Variants in NALCN observed in about 807,000 individuals in gnomAD.
NALCN encodes the protein sodium leak channel, non-selective, also known as sodium leak channel NALCN.
In NALCN, 111 loss-of-function variants were observed where a neutral mutation model predicts 225.3. The observed-to-expected ratio is 0.49, with a 90% CI of 0.42 to 0.58. The LOEUF is 0.58. NALCN is among the 20% of genes least tolerant of loss of function. The probability of loss-of-function intolerance (pLI) is 0.00; values close to 1 mark genes in which losing one functional copy is unlikely to be tolerated. For missense variants in NALCN, 1,378 were observed against 2,202.4 expected, an observed-to-expected ratio of 0.63 and a Z score of 7.49; for synonymous variants, 764 against 769.0, an observed-to-expected ratio of 0.99 and a Z score of 0.11.
At chr13:101,208,315 C>T (rs2040398578) in intron 13 of NALCN, among the ~76,000 whole-genome samples, 1 of 152,166 alleles carries the variant, frequency 6.6e-6, no homozygotes, top group Admixed American at 6.5e-5. Context: ...ACCAGGAACC[C>T]ACCAGAAGGC....
intron 3 of NALCN, among the ~76,000 whole-genome samples, chr13:101,393,659 T>C (rs1227378538): frequency 6.6e-6 from 1 of 151,968 alleles, no homozygotes; most frequent in Non-Finnish European, 1.5e-5. Context: ...AATACAAAAT[T>C]AGCCCGGGGT....
intron 10 of NALCN, among the ~76,000 whole-genome samples, chr13:101,283,668 T>C (rs910918040): frequency 1.3e-5 from 2 of 152,050 alleles, no homozygotes; most frequent in Non-Finnish European, 2.9e-5. Flanking sequence ...AGATTTCACA[T>C]GTCAACAAAA....
intron 1 of NALCN, among the ~76,000 whole-genome samples, chr13:101,416,011 G>T (rs1473548757): frequency 1.3e-5 from 2 of 152,016 alleles, no homozygotes; most frequent in Non-Finnish European, 2.9e-5. Flanking sequence ...GGCATCCCGC[G>T]GCAGGCGCCC....
At chr13:101,062,165 A>T in intron 40 of NALCN, 47 bp from the exon 41 acceptor site, 1 of 1,603,164 alleles carries the variant, frequency 6.2e-7, no homozygotes, top group Non-Finnish European at 8.5e-7. Flanking sequence ...TTCACCTGAG[A>T]TTTACACCCT....
intron 28 of NALCN, among the ~76,000 whole-genome samples, chr13:101,091,687 T>C (rs1342072866): frequency 6.6e-6 from 1 of 152,230 alleles, no homozygotes; most frequent in Admixed American, 6.5e-5. Flanking sequence ...ATAAGGATTC[T>C]ACAGATGCCA....
chr13:101,372,896 T>A (rs1479649322), intron 6 of NALCN, among the ~76,000 whole-genome samples: 1 of 151,780 alleles, frequency 6.6e-6, no homozygotes, highest in Non-Finnish European at 1.5e-5. Context: ...CAAAGATTCT[T>A]GTGTGTGTGT....
chr13:101,071,653 C>T (rs747654956), intron 37 of NALCN, among the ~76,000 whole-genome samples: 2 of 152,248 alleles, frequency 1.3e-5, no homozygotes, highest in African/African-American at 2.4e-5. Context: ...CTACTGAGAC[C>T]GGTAAAATTT....
chr13:101,102,225 G>A (rs973319043), intron 26 of NALCN, among the ~76,000 whole-genome samples: 2 of 151,998 alleles, frequency 1.3e-5, no homozygotes, highest in African/African-American at 4.8e-5. Flanking sequence ...GGAAGTTGCA[G>A]TGAGCTGAGA....
intron 7 of NALCN, among the ~76,000 whole-genome samples, chr13:101,317,202 T>C (rs2044583502): frequency 6.6e-6 from 1 of 152,198 alleles, no homozygotes; most frequent in South Asian, 2.1e-4. Flanking sequence ...CCACTTATTT[T>C]ACTGTACAAA....
intron 14 of NALCN, among the ~76,000 whole-genome samples, chr13:101,179,192 G>A (rs1001573992): frequency 1.3e-5 from 2 of 152,192 alleles, no homozygotes; most frequent in African/African-American, 2.4e-5. Context: ...GAGTCAGAGA[G>A]CTCAGGTAGC....
In NALCN at chr13:101,089,584, G is replaced by A. The variant is rs1324759528; in HGVS notation, c.3489+79C>T. ...ACAGTTTAAAGCGGCTTCACGCCGC[G>A]TGTGAAAAGAAACAAATAGCTCAAA... On this transcript the variant is annotated intron_variant, in intron 30 of 43. Coordinates refer to ENST00000251127, the MANE Select transcript of NALCN (RefSeq NM_052867.4). This position sits in a 1 kb window ranked among gnomAD's most constrained non-coding sequence, Gnocchi z 4.7. 7.0e-6 allele frequency: 9 copies of A among 1,291,302 alleles called. No individual in the cohort carries two copies. In the East Asian group the frequency reaches 9.4e-5, roughly 13 times the overall value. The allele number at this position is 1,291,302 out of a possible 1,614,324, so 80.0% of individuals were successfully genotyped here. A position where few individuals can be genotyped will look rare whatever the true frequency, so the allele number is the denominator to read the frequency against.
At chr13:101,239,093 G>T (rs190453141) in intron 11 of NALCN, among the ~76,000 whole-genome samples, 23 of 151,938 alleles carry the variant, frequency 1.5e-4, no homozygotes, top group African/African-American at 4.8e-4. Context: ...GAACTCCTTT[G>T]CCCACGTTTC....
rs190282165 is a variant in NALCN, at chr13:101,150,246, G to A, written c.1840-5350C>T. ...TGTCTGCAGAGTGGTCGTCCTGGGT[G>A]GGGGTGGCGGGGAGCGGGAGGGAGT... On this transcript the variant is annotated intron_variant, in intron 15 of 43. Transcript: ENST00000251127. Among the ~76,000 whole-genome samples the A allele has an allele frequency of 5.6e-3, 849 of 152,278 alleles. 2 individuals carry two copies. Among genetic ancestry groups the A allele is most frequent in the Non-Finnish European group, 0.01 (694 of 68,024 alleles).
intron 1 of NALCN, among the ~76,000 whole-genome samples, chr13:101,413,373 T>G (rs577875526): frequency 6.6e-6 from 1 of 152,156 alleles, no homozygotes; most frequent in East Asian, 1.9e-4. Context: ...GAAATAAATC[T>G]CTACATTATA....
intron 1 of NALCN, among the ~76,000 whole-genome samples, chr13:101,403,091 G>T (rs2047522088): frequency 6.6e-6 from 1 of 152,042 alleles, no homozygotes; most frequent in African/African-American, 2.4e-5. Context: ...CACACTGTAG[G>T]TCTCCTTTGT....
At chr13:101,409,025 C>T (rs1012620893) in intron 1 of NALCN, among the ~76,000 whole-genome samples, 6 of 152,080 alleles carry the variant, frequency 3.9e-5, no homozygotes, top group Non-Finnish European at 8.8e-5. Context: ...AGAAAAACTC[C>T]AAAACTGTCA....
At chr13:101,368,619 T>A (rs2046449024) in intron 6 of NALCN, 1 of 152,214 alleles carries the variant, frequency 6.6e-6, no homozygotes, top group Non-Finnish European at 1.5e-5. Context: ...ACTACATTTA[T>A]GTCTGGGCTA....
intron 10 of NALCN, among the ~76,000 whole-genome samples, chr13:101,268,741 T>G (rs1487842762): frequency 6.6e-6 from 1 of 152,190 alleles, no homozygotes; most frequent in Non-Finnish European, 1.5e-5. Context: ...TTTTCCTATA[T>G]CCTGCCCAAT....
At chr13:101,231,122 CA>C (rs954054682) in intron 12 of NALCN, among the ~76,000 whole-genome samples, 9 of 152,136 alleles carry the variant, frequency 5.9e-5, no homozygotes, top group African/African-American at 2.2e-4. Context: ...TCTATGATCA[CA>C]CGACAACAAA....
Sources: allele counts gnomAD v4.1 joint callset (sites outside exome capture counted in the v4.1 genomes callset), GRCh38; gene constraint gnomAD v4.1.1; non-coding constraint Gnocchi (gnomAD v3.1); transcripts MANE v1.5; gene names NCBI Gene and HGNC (gene_info 2026-07-23, HGNC 2026-07-21).